DNAH9: variants seen among roughly 807,000 people sequenced by gnomAD.
The protein encoded by DNAH9 is dynein axonemal heavy chain 9.
DNAH9 carries 345 observed loss-of-function variants against 471.6 expected under a neutral mutation model. The ratio of observed to expected loss-of-function variants is 0.73; its 90% confidence interval spans 0.67 to 0.80. The LOEUF is 0.80. Ranked by LOEUF, DNAH9 falls within the 30% of genes least tolerant of loss-of-function variation. The probability of loss-of-function intolerance (pLI) is 0.00; values close to 1 mark genes in which losing one functional copy is unlikely to be tolerated. For synonymous variants in DNAH9, 2,093 were observed against 2,123.6 expected (o/e 0.99, Z 0.40); for missense variants, 5,407 against 5,609.2 (o/e 0.96, Z 1.15).
Position 11,947,774 on chromosome 17 carries a change from T to A in DNAH9, c.12843+5289T>A, listed in dbSNP as rs1016610323. Among the ~76,000 whole-genome samples the A allele has an allele frequency of 7.6e-3, 935 of 123,450 alleles. 73 individuals carry two copies. The highest frequency in any genetic ancestry group is 0.039 in the East Asian group (182 of 4,622). 81.0% of individuals were successfully genotyped at this position (123,450 alleles called of 152,430 possible). ...GAATCTGGGAGGGGCTGGGAACTAT[T>A]TTTTTTTTTTTTTTTTTTTTTTTTT... On this transcript the variant is annotated intron_variant, in intron 67 of 68. Coordinates refer to ENST00000262442, the MANE Select transcript of DNAH9 (RefSeq NM_001372.4).
At chr17:11,640,156 CTT>C in intron 9 of DNAH9, 112 bp from the exon 10 acceptor site, 1 of 662,100 alleles carries the variant, frequency 1.5e-6, no homozygotes, top group Non-Finnish European at 2.7e-6. Context: ...TCCCAGGTGA[CTT>C]TAGTCTGGAG....
At chr17:11,679,713 A>G in intron 17 of DNAH9, 44 bp from the exon 18 acceptor site, 3 of 1,376,740 alleles carry the variant, frequency 2.2e-6, no homozygotes, top group Non-Finnish European at 3.1e-6. Flanking sequence ...CCTTTCGAGA[A>G]GTAGAACGAG....
intron 52 of DNAH9, 41 bp downstream of exon 52, chr17:11,871,827 G>A (rs1353384900): frequency 6.3e-7 from 1 of 1,595,844 alleles, no homozygotes; most frequent in Non-Finnish European, 8.6e-7. Context: ...ATCAGCCTCT[G>A]GGCACCAATG....
At chr17:11,968,028 T>C (rs1484064632) in intron 68 of DNAH9, among the ~76,000 whole-genome samples, 1 of 152,196 alleles carries the variant, frequency 6.6e-6, no homozygotes, top group East Asian at 1.9e-4. Context: ...CCATAATAAT[T>C]GGAGCTGTCA....
At chr17:11,923,976 C>T (rs370342035) in intron 62 of DNAH9, 35 bp downstream of exon 62, 36 of 1,603,590 alleles carry the variant, frequency 2.2e-5, no homozygotes, top group Admixed American at 3.4e-5. Context: ...GTTATCTTGA[C>T]CCATACTTGC....
intron 33 of DNAH9, 30 bp from the exon 34 acceptor site, chr17:11,756,538 C>T (rs754267040): frequency 1.5e-6 from 2 of 1,335,398 alleles, no homozygotes; most frequent in South Asian, 1.2e-5. Context: ...CCTCCTTCCT[C>T]ACTGGCATGC....
At chr17:11,818,911 ATTT>A (rs1265062060) in intron 45 of DNAH9, among the ~76,000 whole-genome samples, 1 of 149,142 alleles carries the variant, frequency 6.7e-6, no homozygotes, top group Non-Finnish European at 1.5e-5. Context: ...TATTATTATT[ATTT>A]GCAGTTTTCT....
At chr17:11,854,824 T>A (rs1971565368) in intron 50 of DNAH9, among the ~76,000 whole-genome samples, 1 of 152,220 alleles carries the variant, frequency 6.6e-6, no homozygotes, top group African/African-American at 2.4e-5. Context: ...TGTGGAAATG[T>A]GTCAGCTATC....
Position 11,827,553 on chromosome 17 carries a change from A to G in DNAH9, c.9246+4519A>G, listed in dbSNP as rs566727237. Among the ~76,000 whole-genome samples, 4 of 152,264 alleles carry G rather than the reference A, an allele frequency of 2.6e-5. No individual in the cohort carries two copies. The South Asian group carries it at 8.3e-4, about 32-fold the overall frequency. Reference sequence around the variant, plus strand: ...TGGTACTAAGCCATTCATGAGACATATACCTCTATGTTTCAGTCACCTCCC... The same window carrying G: ...TGGTACTAAGCCATTCATGAGACATGTACCTCTATGTTTCAGTCACCTCCC... On this transcript the variant is annotated intron_variant, in intron 48 of 68. Transcript: ENST00000262442.
rs201053592 is a variant in DNAH9, at chr17:11,834,722, G to A, written c.9331G>A (p.Val3111Met). ...NEDADKLIQV[V>M]GVETDKVSRE... ...AGATGCAGACAAACTGATTCAGGTC[G>A]TGGGTGTGGAGACTGACAAAGTGAG... The change falls in exon 49 of 69, where the codon GTG becomes ATG. Residue 3111 changes from valine to methionine, a missense_variant. By Grantham distance (21) the Val-to-Met change is conservative (BLOSUM62 1). Coordinates refer to ENST00000262442, the MANE Select transcript of DNAH9 (RefSeq NM_001372.4). 124 of 1,614,000 alleles carry A rather than the reference G, an allele frequency of 7.7e-5. No individual in the cohort carries two copies. Among genetic ancestry groups the A allele is most frequent in the Non-Finnish European group, 9.2e-5 (108 of 1,180,012 alleles).
intron 36 of DNAH9, among the ~76,000 whole-genome samples, chr17:11,764,978 TAAAAGC>T (rs1196924008): frequency 1.3e-5 from 2 of 151,958 alleles, no homozygotes; most frequent in Non-Finnish European, 2.9e-5. Flanking sequence ...AAAGCAAAAA[TAAAAGC>T]AAAAAAGAAC....
chr17:11,905,149 A>G (rs977237546), intron 60 of DNAH9, among the ~76,000 whole-genome samples: 3 of 151,302 alleles, frequency 2.0e-5, no homozygotes, highest in Non-Finnish European at 4.4e-5. Context: ...CAGGGGAATC[A>G]CTTGAACCCG....
intron 49 of DNAH9, among the ~76,000 whole-genome samples, chr17:11,844,345 A>G (rs961993301): frequency 5.3e-5 from 8 of 152,186 alleles, no homozygotes; most frequent in Non-Finnish European, 8.8e-5. Context: ...GATATTTTGT[A>G]CATTAATATA....
intron 62 of DNAH9, chr17:11,925,440 C>T (rs1022752064): frequency 4.2e-5 from 12 of 283,804 alleles, no homozygotes; most frequent in African/African-American, 2.2e-4. Context: ...CCTCCCAGGG[C>T]CTCCTTTTCC....
chr17:11,893,518 T>G (rs867276635), intron 58 of DNAH9, among the ~76,000 whole-genome samples: 26 of 152,178 alleles, frequency 1.7e-4, no homozygotes, highest in Admixed American at 6.5e-5. Flanking sequence ...ATATTCACCA[T>G]GGAATACTAT....
At chr17:11,944,663 A>G (rs1567567940) in intron 67 of DNAH9, among the ~76,000 whole-genome samples, 1 of 152,224 alleles carries the variant, frequency 6.6e-6, no homozygotes. Context: ...ACTTGCTGTC[A>G]TGAATCCCAG....
chr17:11,871,901 C>T (rs1012992927), intron 52 of DNAH9, 115 bp downstream of exon 52: 17 of 1,126,554 alleles, frequency 1.5e-5, no homozygotes, highest in East Asian at 1.2e-4. Context: ...CCCCACCACC[C>T]CCTGAGCACC....
chr17:11,704,620 A>C (rs1597507388), intron 25 of DNAH9, among the ~76,000 whole-genome samples, 178 bp downstream of exon 25: 1 of 127,306 alleles, frequency 7.9e-6, no homozygotes, highest in African/African-American at 3.0e-5. Flanking sequence ...TTTCGCTCTT[A>C]TTGCCCAGGC....
Position 11,828,541 on chromosome 17 carries a change from CTGAATGAATAA to C in DNAH9, c.9246+5508_9246+5518del, listed in dbSNP as rs1166522241. Among the ~76,000 whole-genome samples, 6 of 151,414 alleles carry C rather than the reference CTGAATGAATAA, an allele frequency of 4.0e-5. No homozygotes were observed. The East Asian group carries it at 1.2e-3, about 29-fold the overall frequency. On this transcript the variant is annotated intron_variant, in intron 48 of 68. Transcript: ENST00000262442. ...AAATATTTGTTGAATGAATAAATTACTGAATGAATAACATTCTGTTTCCCAGACTGTATGCT... is the reference window on the plus strand; with the variant it reads ...AAATATTTGTTGAATGAATAAATTACCATTCTGTTTCCCAGACTGTATGCT...
Sources: allele counts gnomAD v4.1 joint callset (sites outside exome capture counted in the v4.1 genomes callset), GRCh38; gene constraint gnomAD v4.1.1; transcripts MANE v1.5; gene names NCBI Gene and HGNC (gene_info 2026-07-23, HGNC 2026-07-21).